SLX4IP: variants seen among roughly 807,000 people sequenced by gnomAD.
The protein encoded by SLX4IP is protein SLX4IP.
SLX4IP carries 34 observed loss-of-function variants against 32.9 expected under a neutral mutation model. That is an observed-to-expected ratio of 1.03 (90% confidence interval 0.79 to 1.38). The LOEUF (loss-of-function observed/expected upper bound fraction) is 1.38. Ranked by LOEUF, SLX4IP falls within the 40% of genes most tolerant of loss-of-function variation. SLX4IP has a pLI of 0.00. For missense variants in SLX4IP, 444 were observed against 479.0 expected (o/e 0.93, Z 0.68); for synonymous variants, 172 against 171.7 (o/e 1.00, Z -0.01).
Position 10,439,043 on chromosome 20 carries a change from G to T in SLX4IP, c.-30+3590G>T, listed in dbSNP as rs150289390. ...TTGAGAACCGTCTTTGTTGTTGGGA[G>T]TTTTGATAGTTTATTCCTTTTTAAT... On this transcript the variant is annotated intron_variant, in intron 1 of 7. Transcript: ENST00000334534. Among the ~76,000 whole-genome samples the T allele has an allele frequency of 3.8e-4, 58 of 151,956 alleles. No individual in the cohort carries two copies. The East Asian group carries it at 0.01, about 27-fold the overall frequency.
chr20:10,596,418 G>A (rs111611773), intron 4 of SLX4IP, among the ~76,000 whole-genome samples: 360 of 151,980 alleles, frequency 2.4e-3, no homozygotes, highest in African/African-American at 8.0e-3. Context: ...TTAAGGAGAC[G>A]GGGTCTCAGT....
In SLX4IP at chr20:10,562,655, C is replaced by T. The variant is rs538777502; in HGVS notation, c.238+1835C>T. The stretch of plus-strand genomic sequence containing the variant: ...GGCACAGGCCCAAGGGTGGAGCCCT[C>T]ACCAGGGACCCTGCCCTTCTCTACC... On this transcript the variant is annotated intron_variant, in intron 4 of 7. Coordinates refer to ENST00000334534, the MANE Select transcript of SLX4IP (RefSeq NM_001009608.3). Among the ~76,000 whole-genome samples the T allele has an allele frequency of 6.8e-4, 103 of 152,306 alleles. 2 individuals carry two copies. The highest frequency in any genetic ancestry group is 3.1e-3 in the South Asian group (15 of 4,820).
chr20:10,438,970 A>G (rs954230026), intron 1 of SLX4IP, among the ~76,000 whole-genome samples: 2 of 151,270 alleles, frequency 1.3e-5, no homozygotes, highest in Non-Finnish European at 2.9e-5. Flanking sequence ...CTCCCAAAGC[A>G]CTGGTATTAT....
intron 4 of SLX4IP, among the ~76,000 whole-genome samples, chr20:10,595,192 A>AT (rs1189044663): frequency 6.6e-6 from 1 of 152,134 alleles, no homozygotes; most frequent in Non-Finnish European, 1.5e-5. Context: ...GGAAATGCAC[A>AT]TACCTGCAGA....
At chr20:10,445,413 T>G (rs2065194114) in intron 1 of SLX4IP, among the ~76,000 whole-genome samples, 1 of 149,196 alleles carries the variant, frequency 6.7e-6, no homozygotes, top group Non-Finnish European at 1.5e-5. Flanking sequence ...CCTCCTAGGT[T>G]CAAGCAATTC....
intron 2 of SLX4IP, among the ~76,000 whole-genome samples, chr20:10,520,691 T>A (rs2065895073): frequency 6.6e-6 from 1 of 152,222 alleles, no homozygotes; most frequent in African/African-American, 2.4e-5. Context: ...TTTCTGTGTA[T>A]GGTTTGAAGA....
chr20:10,437,503 G>A (rs2065125091), intron 1 of SLX4IP, among the ~76,000 whole-genome samples: 1 of 152,138 alleles, frequency 6.6e-6, no homozygotes, highest in Non-Finnish European at 1.5e-5. Flanking sequence ...TCTCCCTTAT[G>A]GTGTTACTTA....
chr20:10,472,819 T>G (rs1367710398), intron 2 of SLX4IP, among the ~76,000 whole-genome samples: 1 of 152,256 alleles, frequency 6.6e-6, no homozygotes, highest in Non-Finnish European at 1.5e-5. Flanking sequence ...TGTTACCTGA[T>G]ACAGGCCTTT....
Position 10,463,006 on chromosome 20 carries a change from GC to G in SLX4IP, c.27+4778del, listed in dbSNP as rs1310102406. ...AGGCTGAGGCAGAAGATTTGCTTGAGCCCAGGAGTTTGAGTTCAGCCTGGGC... is the reference window on the plus strand; with the variant it reads ...AGGCTGAGGCAGAAGATTTGCTTGAGCCAGGAGTTTGAGTTCAGCCTGGGC... On this transcript the variant is annotated intron_variant, in intron 2 of 7. Transcript: ENST00000334534. 7.9e-5 allele frequency among the ~76,000 whole-genome samples: 12 copies of G among 152,274 alleles called. No individual in the cohort carries two copies. In the East Asian group the frequency reaches 2.1e-3, roughly 27 times the overall value.
At chr20:10,467,626 C>G (rs1333250773) in intron 2 of SLX4IP, among the ~76,000 whole-genome samples, 1 of 152,166 alleles carries the variant, frequency 6.6e-6, no homozygotes, top group African/African-American at 2.4e-5. Flanking sequence ...ATGCTGTTTT[C>G]CCATTCAGTA....
intron 2 of SLX4IP, among the ~76,000 whole-genome samples, chr20:10,527,259 T>C (rs911805673): frequency 2.0e-5 from 3 of 152,218 alleles, no homozygotes; most frequent in Non-Finnish European, 2.9e-5. Flanking sequence ...ATGAGGGTCC[T>C]AACTTATTAT....
chr20:10,488,780 C>G (rs1247354573), intron 2 of SLX4IP, among the ~76,000 whole-genome samples: 1 of 151,936 alleles, frequency 6.6e-6, no homozygotes, highest in Non-Finnish European at 1.5e-5. Context: ...TTTCAGTTCC[C>G]AATTTTTTTT....
At chr20:10,597,199 T>G (rs374272662) in intron 4 of SLX4IP, among the ~76,000 whole-genome samples, 1 of 152,254 alleles carries the variant, frequency 6.6e-6, no homozygotes, top group African/African-American at 2.4e-5. Context: ...GTCATGGACT[T>G]TGGAGAATCT....
intron 4 of SLX4IP, among the ~76,000 whole-genome samples, chr20:10,592,729 G>A (rs1044975594): frequency 1.4e-5 from 2 of 141,954 alleles, no homozygotes; most frequent in Non-Finnish European, 3.0e-5. Flanking sequence ...CTGCCTCCTG[G>A]GTTCAAACGA....
At chr20:10,562,550 G>A (rs186178351) in intron 4 of SLX4IP, among the ~76,000 whole-genome samples, 9 of 152,210 alleles carry the variant, frequency 5.9e-5, no homozygotes, top group Admixed American at 5.9e-4. Flanking sequence ...AAGATGGGGG[G>A]CGTGGTAGGC....
intron 2 of SLX4IP, among the ~76,000 whole-genome samples, chr20:10,524,115 C>T (rs6133958): frequency 2.0e-5 from 3 of 152,326 alleles, no homozygotes; most frequent in East Asian, 3.9e-4. Flanking sequence ...GGCCTGGTGA[C>T]GGCAGCAGGC....
chr20:10,565,407 A>G (rs1166938847), intron 4 of SLX4IP, among the ~76,000 whole-genome samples: 1 of 152,108 alleles, frequency 6.6e-6, no homozygotes, highest in Non-Finnish European at 1.5e-5. Flanking sequence ...GCTTTGAGAC[A>G]TGCTCCCTGT....
intron 7 of SLX4IP, among the ~76,000 whole-genome samples, chr20:10,622,089 A>G (rs755869888): frequency 6.6e-6 from 1 of 152,194 alleles, no homozygotes; most frequent in Non-Finnish European, 1.5e-5. Context: ...ATTGCCTTTC[A>G]TGCTGACTAT....
At chr20:10,529,354 C>T (rs573309224) in intron 2 of SLX4IP, among the ~76,000 whole-genome samples, 7 of 151,958 alleles carry the variant, frequency 4.6e-5, no homozygotes, top group East Asian at 1.9e-4. Flanking sequence ...TTTGGGAGGC[C>T]GAGGCGGGTG....
Sources: allele counts gnomAD v4.1 joint callset (sites outside exome capture counted in the v4.1 genomes callset), GRCh38; gene constraint gnomAD v4.1.1; transcripts MANE v1.5; gene names NCBI Gene and HGNC (gene_info 2026-07-23, HGNC 2026-07-21).